Variants in DLGAP1 observed in about 807,000 individuals in gnomAD.
DLGAP1 encodes the protein disks large-associated protein 1.
A neutral mutation model predicts 90.8 loss-of-function variants in DLGAP1; 11 were observed. The observed-to-expected ratio is 0.12, with a 90% CI of 0.08 to 0.20. The LOEUF is 0.20. Ranked by LOEUF, DLGAP1 falls within the 10% of genes least tolerant of loss-of-function variation. The pLI is 1.00. For missense variants in DLGAP1, 1,050 were observed against 1,333.8 expected (o/e 0.79, Z 3.31); for synonymous variants, 558 against 540.7 (o/e 1.03, Z -0.44).
chr18:3,520,358 C>T (rs762755476), intron 10 of DLGAP1, among the ~76,000 whole-genome samples: 21 of 152,178 alleles, frequency 1.4e-4, no homozygotes, highest in Non-Finnish European at 2.4e-4. Flanking sequence ...GGCAACTCCT[C>T]CCAACCTCAT....
At chr18:3,962,906 T>C (rs1332184694) in intron 3 of DLGAP1, among the ~76,000 whole-genome samples, 1 of 152,218 alleles carries the variant, frequency 6.6e-6, no homozygotes, top group African/African-American at 2.4e-5. Context: ...TGGGGTGAGT[T>C]AGTTCTTCAG....
intron 3 of DLGAP1, among the ~76,000 whole-genome samples, chr18:3,960,107 A>G (rs955791858): frequency 6.6e-6 from 1 of 152,224 alleles, no homozygotes; most frequent in Non-Finnish European, 1.5e-5. Context: ...GCCTTGAAAC[A>G]TGCACAGCAC....
At chr18:4,110,177 T>C (rs771063977) in intron 2 of DLGAP1, among the ~76,000 whole-genome samples, 28 of 152,326 alleles carry the variant, frequency 1.8e-4, no homozygotes, top group Non-Finnish European at 3.7e-4. Context: ...CTATACGGTA[T>C]AGCATATTGC....
chr18:4,297,895 G>A (rs1020209980), intron 1 of DLGAP1, among the ~76,000 whole-genome samples: 5 of 152,042 alleles, frequency 3.3e-5, no homozygotes, highest in African/African-American at 4.8e-5. Context: ...TAATGCAAAC[G>A]CAGGTAAACT....
intron 1 of DLGAP1, among the ~76,000 whole-genome samples, chr18:4,407,604 T>C (rs9950242): frequency 0.062 from 9,343 of 151,916 alleles, 920 homozygotes; most frequent in African/African-American, 0.21. Flanking sequence ...ACAGGCCGAG[T>C]GCGCTGGCTC....
At chr18:3,655,733 C>T (rs535485897) in intron 7 of DLGAP1, 50 of 233,330 alleles carry the variant, frequency 2.1e-4, no homozygotes, top group African/African-American at 1.1e-3. Flanking sequence ...AGACCAGGCT[C>T]TGCTGAAAGA....
At chr18:3,985,623 T>C (rs2073826876) in intron 3 of DLGAP1, among the ~76,000 whole-genome samples, 2 of 152,180 alleles carry the variant, frequency 1.3e-5, no homozygotes, top group Admixed American at 1.3e-4. Context: ...TATGTTTTAA[T>C]AGATGCATTG....
intron 1 of DLGAP1, among the ~76,000 whole-genome samples, chr18:4,363,023 A>G (rs2081662664): frequency 6.6e-6 from 1 of 152,100 alleles, no homozygotes; most frequent in Non-Finnish European, 1.5e-5. Flanking sequence ...AGAAAAGCCA[A>G]CATCACAGCT....
chr18:3,888,961 T>C (rs1568281349), intron 3 of DLGAP1, among the ~76,000 whole-genome samples: 2 of 152,140 alleles, frequency 1.3e-5, no homozygotes, highest in African/African-American at 4.8e-5. Context: ...ATGAATTCCC[T>C]TGGGAGCCAG....
intron 1 of DLGAP1, among the ~76,000 whole-genome samples, chr18:4,261,965 T>C (rs1038160947): frequency 2.0e-5 from 3 of 152,218 alleles, no homozygotes; most frequent in South Asian, 2.1e-4. Flanking sequence ...TAATAAAGTA[T>C]GTTAACCATC....
intron 3 of DLGAP1, among the ~76,000 whole-genome samples, chr18:3,967,082 C>T (rs1333474162): frequency 1.3e-5 from 2 of 152,196 alleles, no homozygotes; most frequent in Non-Finnish European, 2.9e-5. Context: ...AAAGGAAGGA[C>T]TAGTCCACTG....
At chr18:4,415,181 A>C (rs1168052712) in intron 1 of DLGAP1, among the ~76,000 whole-genome samples, 1 of 152,184 alleles carries the variant, frequency 6.6e-6, no homozygotes, top group African/African-American at 2.4e-5. Context: ...ACCCAGAGCA[A>C]ACACTTGTAT....
chr18:3,731,375 A>G (rs2062422808), intron 6 of DLGAP1, among the ~76,000 whole-genome samples: 1 of 152,134 alleles, frequency 6.6e-6, no homozygotes, highest in African/African-American at 2.4e-5. Flanking sequence ...TAGTAAATAT[A>G]ATTCTGCAAC....
chr18:4,278,743 GT>G (rs1568487225), intron 1 of DLGAP1, among the ~76,000 whole-genome samples: 2 of 110,482 alleles, frequency 1.8e-5, no homozygotes. Flanking sequence ...ATATGAAAAT[GT>G]TATACACACA....
intron 9 of DLGAP1, among the ~76,000 whole-genome samples, chr18:3,555,147 G>C (rs1039049229): frequency 1.3e-5 from 2 of 152,112 alleles, no homozygotes; most frequent in Non-Finnish European, 2.9e-5. Flanking sequence ...AATCATAAAA[G>C]AATTAAGTTA....
At chr18:3,615,531 C>T (rs996391169) in intron 7 of DLGAP1, among the ~76,000 whole-genome samples, 2 of 152,040 alleles carry the variant, frequency 1.3e-5, no homozygotes, top group East Asian at 1.9e-4. Context: ...GAGAAAACAC[C>T]CAAGGGAGAT....
intron 11 of DLGAP1, among the ~76,000 whole-genome samples, chr18:3,503,437 G>A (rs941409903): frequency 7.2e-5 from 11 of 152,124 alleles, no homozygotes; most frequent in Non-Finnish European, 1.3e-4. Context: ...ATATAAACCT[G>A]AATTTATATG....
At chr18:3,932,343 C>T (rs2072537430) in intron 3 of DLGAP1, among the ~76,000 whole-genome samples, 1 of 152,186 alleles carries the variant, frequency 6.6e-6, no homozygotes, top group African/African-American at 2.4e-5. Context: ...ATTTTTCCCT[C>T]TAGACAGCCG....
chr18:3,606,112 C>A (rs144878198), intron 7 of DLGAP1, among the ~76,000 whole-genome samples: 98 of 152,290 alleles, frequency 6.4e-4, no homozygotes, highest in African/African-American at 2.3e-3. Flanking sequence ...TTTTGGCATC[C>A]TGACCCTTTG....
Sources: allele counts gnomAD v4.1 joint callset (sites outside exome capture counted in the v4.1 genomes callset), GRCh38; gene constraint gnomAD v4.1.1; transcripts MANE v1.5; gene names NCBI Gene and HGNC (gene_info 2026-07-23, HGNC 2026-07-21).